ARHGEF3: variants seen among roughly 807,000 people sequenced by gnomAD.
ARHGEF3 encodes the protein Rho guanine nucleotide exchange factor 3, also known as 59.8 kDA protein.
A neutral mutation model predicts 63.2 loss-of-function variants in ARHGEF3; 28 were observed. The ratio of observed to expected loss-of-function variants is 0.44; its 90% CI spans 0.33 to 0.61. The LOEUF (loss-of-function observed/expected upper bound fraction) is 0.61, where lower values mean the gene tolerates loss of function less well. Among genes scored for constraint, ARHGEF3 ranks in the 20% least tolerant of loss-of-function variants. The probability of loss-of-function intolerance (pLI) is 0.03; values close to 1 mark genes in which losing one functional copy is unlikely to be tolerated. For synonymous variants in ARHGEF3, 266 were observed against 254.2 expected, an observed-to-expected ratio of 1.05 and a Z score of -0.44; for missense variants, 533 against 659.3, an observed-to-expected ratio of 0.81 and a Z score of 2.10.
At chr3:56,968,181 A>T (rs184215891) in intron 2 of ARHGEF3, among the ~76,000 whole-genome samples, 6,852 of 21,914 alleles carry the variant, frequency 0.31, 1,468 homozygotes, top group Non-Finnish European at 0.47. Context: ...TATATATAAA[A>T]ATATATATTA....
chr3:56,947,609 A>G (rs1167939552), intron 3 of ARHGEF3, among the ~76,000 whole-genome samples: 2 of 152,248 alleles, frequency 1.3e-5, no homozygotes, highest in Non-Finnish European at 2.9e-5. Flanking sequence ...CCAATACAGG[A>G]GCATCCAGAT....
intron 1 of ARHGEF3, among the ~76,000 whole-genome samples, chr3:57,036,645 C>G (rs1703974820): frequency 6.6e-6 from 1 of 152,150 alleles, no homozygotes; most frequent in Non-Finnish European, 1.5e-5. Context: ...CTAGTGTCAA[C>G]CAAAGAAACA....
At chr3:56,788,480 G>C (rs752368691) in intron 1 of ARHGEF3, among the ~76,000 whole-genome samples, 1 of 152,082 alleles carries the variant, frequency 6.6e-6, no homozygotes, top group Non-Finnish European at 1.5e-5. Flanking sequence ...GAGCATTAGG[G>C]GTCATTTTTT....
rs375942532 is a variant in ARHGEF3, at chr3:56,873,504, C to T, written c.192+8788G>A. Among the ~76,000 whole-genome samples, 5 of 152,166 alleles carry T rather than the reference C, an allele frequency of 3.3e-5. No individual in the cohort carries two copies. In the South Asian group the frequency reaches 6.2e-4, roughly 19 times the overall value. On this transcript the variant is annotated intron_variant, in intron 4 of 12. Transcript: ENST00000338458. Reference sequence around the variant, plus strand: ...ATATGTATTTGGTTGTCTGTTCGTGCGTTAGTTTGCTAAAGATAATGGCCC... The same window carrying T: ...ATATGTATTTGGTTGTCTGTTCGTGTGTTAGTTTGCTAAAGATAATGGCCC...
Position 56,969,467 on chromosome 3 carries a change from C to T in ARHGEF3, c.63-10578G>A, listed in dbSNP as rs557456940. Among the ~76,000 whole-genome samples, 11 of 151,918 alleles carry T rather than the reference C, an allele frequency of 7.2e-5. No homozygotes were observed. The South Asian group carries it at 8.3e-4, about 11-fold the overall frequency. On this transcript the variant is annotated intron_variant, in intron 2 of 12. Transcript: ENST00000338458. Reference sequence around the variant, plus strand: ...TGGCACATGGCTGGTATTATAATAACCCTATTGAAAAGGTACATATAAGGG... The same window carrying T: ...TGGCACATGGCTGGTATTATAATAATCCTATTGAAAAGGTACATATAAGGG...
intron 1 of ARHGEF3, 85 bp downstream of exon 1, chr3:56,801,618 C>A (rs1251455222): frequency 1.3e-6 from 2 of 1,486,896 alleles, no homozygotes; most frequent in Admixed American, 2.1e-5. Flanking sequence ...GACAGTGACA[C>A]TGGACGGGCG....
At position 56,951,896 on chromosome 3, in the gene ARHGEF3, G is replaced by A. The variant is rs139760143; in HGVS notation, c.129+6927C>T. ...TTTGGAATGAGGTGAGGTCAGGTTC[G>A]AATCCTAGCTTCACCACTTACCTGT... On this transcript the variant is annotated intron_variant, in intron 3 of 12. Transcript: ENST00000338458. Among the ~76,000 whole-genome samples, 279 of 152,030 alleles carry A rather than the reference G, an allele frequency of 1.8e-3. 4 individuals are homozygous for A. The highest frequency in any genetic ancestry group is 6.4e-3 in the African/African-American group (266 of 41,358).
chr3:56,781,731 G>A (rs967830543), intron 1 of ARHGEF3, among the ~76,000 whole-genome samples: 3 of 152,204 alleles, frequency 2.0e-5, no homozygotes, highest in Admixed American at 6.5e-5. Flanking sequence ...TAGTTTGGAG[G>A]ACTTTGTGAC....
chr3:56,942,656 T>C (rs956264094), intron 3 of ARHGEF3, among the ~76,000 whole-genome samples: 1 of 152,214 alleles, frequency 6.6e-6, no homozygotes, highest in African/African-American at 2.4e-5. Flanking sequence ...CTAGAAATGA[T>C]TAAGCTTAGT....
intron 2 of ARHGEF3, among the ~76,000 whole-genome samples, chr3:56,967,661 TTATA>T: frequency 1.2e-5 from 1 of 82,228 alleles, no homozygotes; most frequent in African/African-American, 5.0e-5. Context: ...AAAATAGCTA[TTATA>T]TATAATACTT....
chr3:57,022,125 T>G (rs1432481538), intron 2 of ARHGEF3, among the ~76,000 whole-genome samples: 1 of 151,946 alleles, frequency 6.6e-6, no homozygotes, highest in Non-Finnish European at 1.5e-5. Context: ...TTTTAAAAAT[T>G]TAGCCGGGCA....
chr3:56,750,830 C>A (rs2034696143), intron 6 of ARHGEF3, among the ~76,000 whole-genome samples: 1 of 151,360 alleles, frequency 6.6e-6, no homozygotes, highest in Non-Finnish European at 1.5e-5. Flanking sequence ...CCAAAAGGCC[C>A]TGTTACTTTT....
chr3:56,790,634 G>T (rs1250743526), intron 1 of ARHGEF3, among the ~76,000 whole-genome samples: 2 of 152,172 alleles, frequency 1.3e-5, no homozygotes, highest in Non-Finnish European at 2.9e-5. Flanking sequence ...CTCTGTATTT[G>T]CCTGGGGTCG....
At chr3:56,775,211 C>A in intron 1 of ARHGEF3, 1 of 1,445,300 alleles carries the variant, frequency 6.9e-7, no homozygotes. Context: ...CAGGATATTT[C>A]TGCATCCCCG....
intron 1 of ARHGEF3, among the ~76,000 whole-genome samples, chr3:57,056,766 T>A (rs953585954): frequency 6.6e-6 from 1 of 152,166 alleles, no homozygotes; most frequent in Non-Finnish European, 1.5e-5. Flanking sequence ...GTCTCTGTTA[T>A]CTTGAACATA....
At chr3:56,895,046 G>A (rs2041252071) in intron 3 of ARHGEF3, among the ~76,000 whole-genome samples, 1 of 152,176 alleles carries the variant, frequency 6.6e-6, no homozygotes, top group Admixed American at 6.5e-5. Context: ...GGCGTACCCT[G>A]AATACCTGCA....
intron 4 of ARHGEF3, among the ~76,000 whole-genome samples, chr3:56,861,814 C>G (rs2040081549): frequency 6.6e-6 from 1 of 151,878 alleles, no homozygotes. Flanking sequence ...GTACCTCAGA[C>G]TCTTCCTCCT....
At chr3:56,933,346 C>T (rs1212155384) in intron 3 of ARHGEF3, among the ~76,000 whole-genome samples, 1 of 151,810 alleles carries the variant, frequency 6.6e-6, no homozygotes, top group African/African-American at 2.4e-5. Flanking sequence ...TCTTCCATAA[C>T]CTAGAGTCTG....
chr3:57,017,623 C>A (rs1213963885), intron 2 of ARHGEF3, among the ~76,000 whole-genome samples: 3 of 152,252 alleles, frequency 2.0e-5, no homozygotes, highest in Non-Finnish European at 4.4e-5. Context: ...CCCCCACCAG[C>A]TCCACGTCTG....
Sources: gnomAD v4.1 joint callset for allele counts (sites outside exome capture counted in the v4.1 genomes callset) on GRCh38, gnomAD v4.1.1 for gene constraint, MANE v1.5 for transcripts, NCBI Gene and HGNC (gene_info 2026-07-23, HGNC 2026-07-21) for gene names.